PCDH11X: variants seen among roughly 807,000 people sequenced by gnomAD.
PCDH11X encodes protocadherin-11 X-linked.
PCDH11X carries 18 observed loss-of-function variants against 53.3 expected under a neutral mutation model. The observed-to-expected ratio is 0.34, with a 90% CI of 0.23 to 0.50. The LOEUF is 0.50. Among genes scored for constraint, PCDH11X ranks in the 20% least tolerant of loss-of-function variants. The probability of loss-of-function intolerance (pLI) is 0.98; values close to 1 mark genes in which losing one functional copy is unlikely to be tolerated. For synonymous variants in PCDH11X, 279 were observed against 393.3 expected, an observed-to-expected ratio of 0.71 and a Z score of 3.44; for missense variants, 570 against 1,032.4, an observed-to-expected ratio of 0.55 and a Z score of 6.14.
intron 7 of PCDH11X, among the ~76,000 whole-genome samples, chrX:92,213,372 AT>A (rs1045547755): frequency 6.3e-5 from 7 of 111,681 alleles, no homozygotes; most frequent in African/African-American, 2.3e-4. Context: ...TAGCAGCTTT[AT>A]TGATGTATAG....
chrX:91,810,371 A>C (rs1936257653), intron 2 of PCDH11X, 102 bp from the exon 3 acceptor site: 1 of 111,881 alleles, frequency 8.9e-6, no homozygotes, highest in African/African-American at 3.2e-5. Context: ...TAATTGGAGG[A>C]TCCTGCCATA....
chrX:92,278,629 G>A (rs2068167234), intron 8 of PCDH11X, among the ~76,000 whole-genome samples: 1 of 109,984 alleles, frequency 9.1e-6, no homozygotes, highest in Non-Finnish European at 1.9e-5. Flanking sequence ...TAATCACTCA[G>A]TTAAGGTGGG....
In PCDH11X at chrX:92,613,002, T is replaced by G. The variant is rs370180196; in HGVS notation, c.3368-5262T>G. Among the ~76,000 whole-genome samples, 77 of 109,681 alleles carry G rather than the reference T, an allele frequency of 7.0e-4. No individual in the cohort carries two copies. The East Asian group carries it at 0.015, about 21-fold the overall frequency. ...TTTACTTTGAGTCTATGGATGTTTA[T>G]GCATGTGTGTTGGGTCTGTTGAAGA... On this transcript the variant is annotated intron_variant, in intron 10 of 10. Transcript: ENST00000682573.
At chrX:92,061,788 T>TTTTG (rs745394870) in intron 6 of PCDH11X, among the ~76,000 whole-genome samples, 1 of 111,456 alleles carries the variant, frequency 9.0e-6, no homozygotes, top group African/African-American at 3.3e-5. Flanking sequence ...GGGTTGATTT[T>TTTTG]TTTGTTTGTT....
chrX:92,459,864 G>A lies in PCDH11X; in HGVS notation c.3344-8435G>A, dbSNP rs1285405061. ...TGGGGCCTGGGGGCCTGGCCGCGGG[G>A]ATGGCTGGGGGTCTGGCAGGAATGG... On this transcript the variant is annotated intron_variant, in intron 9 of 10. Transcript: ENST00000682573. 11 of 1,118,186 alleles carry A rather than the reference G, an allele frequency of 9.8e-6. No homozygotes were observed. In the African/African-American group the frequency reaches 1.3e-4, roughly 13 times the overall value. 92.2% of individuals were successfully genotyped at this position (1,118,186 alleles called of 1,213,427 possible). A position where few individuals can be genotyped will look rare whatever the true frequency, so the allele number is the denominator to read the frequency against.
intron 7 of PCDH11X, among the ~76,000 whole-genome samples, chrX:92,202,743 TG>T (rs2066411893): frequency 8.9e-6 from 1 of 112,159 alleles, no homozygotes; most frequent in South Asian, 3.7e-4. Flanking sequence ...TGGGGTTGGC[TG>T]GGTGCGGTGG....
At chrX:91,971,930 G>C (rs2061966341) in intron 6 of PCDH11X, among the ~76,000 whole-genome samples, 1 of 111,170 alleles carries the variant, frequency 9.0e-6, no homozygotes. Context: ...GGGGTATTGG[G>C]GAGATGTTTG....
At chrX:92,275,040 G>A (rs965565676) in intron 8 of PCDH11X, among the ~76,000 whole-genome samples, 32 of 105,899 alleles carry the variant, frequency 3.0e-4, no homozygotes, top group African/African-American at 6.9e-4. Context: ...AAGTATATGC[G>A]TCAGTTATGA....
chrX:92,352,304 T>A (rs2148527724), intron 8 of PCDH11X, among the ~76,000 whole-genome samples: 1 of 111,961 alleles, frequency 8.9e-6, no homozygotes, highest in Non-Finnish European at 1.9e-5. Context: ...GTCAACTTAG[T>A]TGCTATTCCT....
chrX:92,364,927 A>C lies in PCDH11X; in HGVS notation c.3145-22808A>C, dbSNP rs1302693955. Among the ~76,000 whole-genome samples the C allele has an allele frequency of 2.4e-4, 20 of 84,654 alleles. 1 individual carries two copies. Among genetic ancestry groups the C allele is most frequent in the African/African-American group, 5.5e-4 (14 of 25,249 alleles). The allele number at this position is 84,654 out of a possible 115,157, so 73.5% of individuals were successfully genotyped here. ...AGACCCTTTCTACAAAAAAAAAAAAAAAAAAAAAAATTTCTTTCTTTATAT... is the reference window on the plus strand; with the variant it reads ...AGACCCTTTCTACAAAAAAAAAAAACAAAAAAAAAATTTCTTTCTTTATAT... On this transcript the variant is annotated intron_variant, in intron 8 of 10. Coordinates refer to ENST00000682573, the MANE Select transcript of PCDH11X (RefSeq NM_032968.5).
At chrX:91,963,852 T>C (rs781122224) in intron 6 of PCDH11X, among the ~76,000 whole-genome samples, 3 of 110,169 alleles carry the variant, frequency 2.7e-5, no homozygotes, top group Non-Finnish European at 5.7e-5. Context: ...CTTCACATGG[T>C]AACAGCAAGG....
chrX:91,984,901 C>CACAA (rs1569292729), intron 6 of PCDH11X, among the ~76,000 whole-genome samples: 1 of 111,253 alleles, frequency 9.0e-6, no homozygotes. Context: ...GAACCTAAGA[C>CACAA]CTTAGCCTTG....
intron 8 of PCDH11X, among the ~76,000 whole-genome samples, chrX:92,280,593 A>G (rs1475581476): frequency 1.8e-5 from 2 of 110,449 alleles, no homozygotes; most frequent in Non-Finnish European, 3.8e-5. Context: ...TAACTGACAT[A>G]TGAGTATACT....
chrX:92,031,374 G>A (rs2063047340), intron 6 of PCDH11X, among the ~76,000 whole-genome samples: 1 of 98,071 alleles, frequency 1.0e-5, no homozygotes, highest in South Asian at 4.4e-4. Flanking sequence ...CATATGTTCT[G>A]GTTATTAATC....
At chrX:91,792,900 T>C (rs1383955624) in intron 1 of PCDH11X, among the ~76,000 whole-genome samples, 1 of 109,511 alleles carries the variant, frequency 9.1e-6, no homozygotes, top group East Asian at 2.9e-4. Flanking sequence ...CATGCTTTGG[T>C]TGTAACTGAA....
In PCDH11X at chrX:91,879,101, C is replaced by T. The variant is rs750018218; in HGVS notation, c.2861C>T (p.Thr954Ile). ...PQPAFQIQPE[T>I]PLNSKHHIIQ... ...CCTGCCTTCCAAATTCAGCCTGAAA[C>T]TCCCCTGAATTCGAAGCACCACATC... is the stretch of plus-strand genomic sequence containing the variant. The change falls in exon 6 of 11, where the codon ACT becomes ATT. Residue 954 changes from threonine (T) to isoleucine (I), a missense_variant. Physicochemically the swap from Thr to Ile is moderately conservative, Grantham distance 89. Transcript: ENST00000682573. 1 of 1,211,516 alleles carries T rather than the reference C, an allele frequency of 8.3e-7. No individual in the cohort carries two copies. The highest frequency in any genetic ancestry group is 1.8e-5 in the South Asian group (1 of 56,955).
chrX:91,807,226 G>A (rs1265500241), intron 1 of PCDH11X, among the ~76,000 whole-genome samples: 4 of 108,117 alleles, frequency 3.7e-5, no homozygotes, highest in Admixed American at 1.0e-4. Flanking sequence ...ATGTGTGCCT[G>A]TAGTCCTAGT....
At chrX:92,208,450 TA>T (rs1195332380) in intron 7 of PCDH11X, among the ~76,000 whole-genome samples, 2 of 89,533 alleles carry the variant, frequency 2.2e-5, no homozygotes, top group African/African-American at 8.4e-5. Flanking sequence ...TTCTTATTAC[TA>T]TATTACAGTT....
intron 4 of PCDH11X, among the ~76,000 whole-genome samples, chrX:91,821,169 T>A (rs1275585928): frequency 9.2e-6 from 1 of 108,896 alleles, no homozygotes; most frequent in East Asian, 2.8e-4. Flanking sequence ...CTTTTTTGGT[T>A]CCATATGAAC....
Sources: allele counts gnomAD v4.1 joint callset (sites outside exome capture counted in the v4.1 genomes callset), GRCh38; gene constraint gnomAD v4.1.1; transcripts MANE v1.5; gene names NCBI Gene and HGNC (gene_info 2026-07-23, HGNC 2026-07-21).